Variants in ASB18 observed in about 807,000 individuals in gnomAD.
ASB18 encodes the protein ankyrin repeat and SOCS box protein 18.
In ASB18, 33 loss-of-function variants were observed where a neutral mutation model predicts 33.4. That is an observed-to-expected ratio of 0.99 (90% CI 0.75 to 1.32). The LOEUF is 1.32. Ranked by LOEUF, ASB18 falls within the 40% of genes most tolerant of loss-of-function variation. ASB18 has a pLI of 0.00. For missense variants in ASB18, 694 were observed against 655.5 expected (o/e 1.06, Z -0.64); for synonymous variants, 295 against 307.6 (o/e 0.96, Z 0.43).
rs1025183031 is a variant in ASB18 at position 236,193,461 on chromosome 2, ATGTTT to A, written c.*1406_*1410del. Among the ~76,000 whole-genome samples the A allele has an allele frequency of 1.2e-4, 19 of 152,182 alleles. No homozygotes were observed. The highest frequency in any genetic ancestry group is 4.1e-4 in the African/African-American group (17 of 41,446). ...TACATATACAGTAGGTCCTTAAATA[ATGTTT>A]TGTTTAATGTCATTTTATTATAACA... On this transcript the variant is annotated 3_prime_UTR_variant, in exon 6 of 6. Coordinates refer to ENST00000409749, the MANE Select transcript of ASB18 (RefSeq NM_212556.4). The surrounding 1 kb of genome is among the most constrained non-coding windows in gnomAD (Gnocchi z 5.0).
rs1232820704 is a variant in ASB18 at position 236,225,587 on chromosome 2, A to T, written c.597-10721T>A. 6.6e-6 allele frequency among the ~76,000 whole-genome samples: 1 copy of T among 152,212 alleles called. No individual in the cohort carries two copies. Among genetic ancestry groups the T allele is most frequent in the Non-Finnish European group, 1.5e-5 (1 of 68,042 alleles). On this transcript the variant is annotated intron_variant, in intron 3 of 5. Transcript: ENST00000409749. The surrounding 1 kb of genome is among the most constrained non-coding windows in gnomAD (Gnocchi z 5.1). ...AACACATTCTTTTCTTATTTTAATT[A>T]TCTCGAATAAAAAGGGTCAAGGAGA...
rs2060660779 is a variant in ASB18, at chr2:236,249,695, G to T, written c.206-8293C>A. On this transcript the variant is annotated intron_variant, in intron 1 of 5. Coordinates refer to ENST00000409749, the MANE Select transcript of ASB18 (RefSeq NM_212556.4). The surrounding 1 kb of genome is among the most constrained non-coding windows in gnomAD (Gnocchi z 4.6). ...CTTATTTGACAGAGGAAGCTTATTT[G>T]TGTGGGTGGACCGTGGCAGAATACT... The T allele has an allele frequency of 1.3e-5, 2 of 152,186 alleles. No homozygotes were observed. Among genetic ancestry groups the T allele is most frequent in the Admixed American group, 1.3e-4 (2 of 15,280 alleles). 9.4% of individuals were successfully genotyped at this position (152,186 alleles called of 1,614,324 possible).
chr2:236,202,705 G>A lies in ASB18; in HGVS notation c.1102-6320C>T, dbSNP rs539924047. On this transcript the variant is annotated intron_variant, in intron 4 of 5. Transcript: ENST00000409749. ...GAAGCAGGAGGATCACTTGAACCCA[G>A]GAGGCAGAGGTTGCAGTGAGTTGAG... is the stretch of plus-strand genomic sequence containing the variant. Among the ~76,000 whole-genome samples the A allele has an allele frequency of 4.7e-3, 699 of 149,420 alleles. 11 individuals carry two copies. The highest frequency in any genetic ancestry group is 0.017 in the African/African-American group (675 of 40,290).
chr2:236,258,734 G>A (rs1412002741), intron 1 of ASB18, among the ~76,000 whole-genome samples: 4 of 152,130 alleles, frequency 2.6e-5, no homozygotes, highest in Non-Finnish European at 5.9e-5. Flanking sequence ...GCACATGTCC[G>A]TGGTGTGTTT....
Position 236,217,516 on chromosome 2 carries a change from C to T in ASB18, c.597-2650G>A, listed in dbSNP as rs1395710762. On this transcript the variant is annotated intron_variant, in intron 3 of 5. Transcript: ENST00000409749. This position sits in a 1 kb window ranked among gnomAD's most constrained non-coding sequence, Gnocchi z 5.2. ...AGTGCCTATCATAGTGCCTATCACA[C>T]TATTGGTATTCCCTAAAAACATATT... is the stretch of plus-strand genomic sequence containing the variant. Among the ~76,000 whole-genome samples the T allele has an allele frequency of 6.6e-6, 1 of 152,168 alleles. No individual in the cohort carries two copies. Among genetic ancestry groups the T allele is most frequent in the African/African-American group, 2.4e-5 (1 of 41,446 alleles).
rs1236161689 is a variant in ASB18, at chr2:236,264,361, G to C, written c.-16C>G. ...AGTTGGACATTGTTACGTCGTTTCT[G>C]CAGTGACCAGCCCTTCTTTTCTTCC... is the stretch of plus-strand genomic sequence containing the variant. On this transcript the variant is annotated 5_prime_UTR_variant, in exon 1 of 6. Coordinates refer to ENST00000409749, the MANE Select transcript of ASB18 (RefSeq NM_212556.4). This position sits in a 1 kb window ranked among gnomAD's most constrained non-coding sequence, Gnocchi z 5.1. 1 of 1,610,168 alleles carries C rather than the reference G, an allele frequency of 6.2e-7. No individual in the cohort carries two copies. The highest frequency in any genetic ancestry group is 8.5e-7 in the Non-Finnish European group (1 of 1,176,430).
At position 236,203,317 on chromosome 2, in the gene ASB18, A is replaced by T. The variant is rs1387149845; in HGVS notation, c.1102-6932T>A. Among the ~76,000 whole-genome samples, 3 of 152,164 alleles carry T rather than the reference A, an allele frequency of 2.0e-5. No homozygotes were observed. In the East Asian group the frequency reaches 5.8e-4, roughly 29 times the overall value. On this transcript the variant is annotated intron_variant, in intron 4 of 5. Transcript: ENST00000409749. This position sits in a 1 kb window ranked among gnomAD's most constrained non-coding sequence, Gnocchi z 6.0. ...CTCTGGAGCAGGAGTTAGCAGGGGG[A>T]AAAAAAGGCATGGAGAGTTCTGGGG...
At position 236,200,543 on chromosome 2, in the gene ASB18, G is replaced by A. The variant is rs2060395899; in HGVS notation, c.1102-4158C>T. Among the ~76,000 whole-genome samples, 1 of 152,162 alleles carries A rather than the reference G, an allele frequency of 6.6e-6. No individual in the cohort carries two copies. The highest frequency in any genetic ancestry group is 1.5e-5 in the Non-Finnish European group (1 of 68,032). On this transcript the variant is annotated intron_variant, in intron 4 of 5. Coordinates refer to ENST00000409749, the MANE Select transcript of ASB18 (RefSeq NM_212556.4). The surrounding 1 kb of genome is among the most constrained non-coding windows in gnomAD (Gnocchi z 4.2). The stretch of plus-strand genomic sequence containing the variant: ...TGTCGTAGCAGAAGCAGCAGTCCTC[G>A]CTTGGGGATACACAGCTAGCCTGAG...
At position 236,204,201 on chromosome 2, in the gene ASB18, C is replaced by A. The variant is rs896733629; in HGVS notation, c.1102-7816G>T. On this transcript the variant is annotated intron_variant, in intron 4 of 5. Coordinates refer to ENST00000409749, the MANE Select transcript of ASB18 (RefSeq NM_212556.4). This position sits in a 1 kb window ranked among gnomAD's most constrained non-coding sequence, Gnocchi z 5.1. ...CAGCCACTCCCCCATACTGTCCTTA[C>A]CAATGGCACCAATGCTGCTCTTGGC... 6.6e-6 allele frequency among the ~76,000 whole-genome samples: 1 copy of A among 152,212 alleles called. No homozygotes were observed. The highest frequency in any genetic ancestry group is 1.5e-5 in the Non-Finnish European group (1 of 68,044).
rs1037663343 is a variant in ASB18, at chr2:236,204,463, C to T, written c.1102-8078G>A. Among the ~76,000 whole-genome samples the T allele has an allele frequency of 6.6e-5, 10 of 152,186 alleles. No individual in the cohort carries two copies. Among genetic ancestry groups the T allele is most frequent in the South Asian group, 2.1e-4 (1 of 4,828 alleles). On this transcript the variant is annotated intron_variant, in intron 4 of 5. Transcript: ENST00000409749. The surrounding 1 kb of genome is among the most constrained non-coding windows in gnomAD (Gnocchi z 5.1). Reference sequence around the variant, plus strand: ...TGCATTCAGGCCTGTTCCTCTTTTCCGTTTACTCTCACTTGCTGGTGATCT... The same window carrying T: ...TGCATTCAGGCCTGTTCCTCTTTTCTGTTTACTCTCACTTGCTGGTGATCT...
chr2:236,214,970 G>A lies in ASB18; in HGVS notation c.597-104C>T. The A allele has an allele frequency of 6.2e-6, 5 of 807,102 alleles. No individual in the cohort carries two copies. Among genetic ancestry groups the A allele is most frequent in the Non-Finnish European group, 7.8e-6 (5 of 641,968 alleles). The allele number at this position is 807,102 out of a possible 1,614,324, so 50.0% of individuals were successfully genotyped here. On this transcript the variant is annotated intron_variant, in intron 3 of 5. Coordinates refer to ENST00000409749, the MANE Select transcript of ASB18 (RefSeq NM_212556.4). This position sits in a 1 kb window ranked among gnomAD's most constrained non-coding sequence, Gnocchi z 6.5. ...ATATCAAGTGACCTCTGAATGAAAA[G>A]ACATGCTCCGCTCTCCCATACCAAG... is the stretch of plus-strand genomic sequence containing the variant.
chr2:236,243,096 C>T (rs1419320043), intron 1 of ASB18, among the ~76,000 whole-genome samples: 6 of 147,656 alleles, frequency 4.1e-5, no homozygotes, highest in Admixed American at 1.4e-4. Flanking sequence ...TTTGGGAGGC[C>T]GAGGCGGGTG....
intron 1 of ASB18, among the ~76,000 whole-genome samples, chr2:236,258,601 G>C (rs999071326): frequency 1.3e-5 from 2 of 152,172 alleles, no homozygotes; most frequent in African/African-American, 4.8e-5. Context: ...TTATTCTCCA[G>C]GCATAAGGAA....
intron 3 of ASB18, among the ~76,000 whole-genome samples, chr2:236,236,397 G>A (rs1348256568): frequency 2.6e-5 from 4 of 152,166 alleles, no homozygotes; most frequent in Non-Finnish European, 5.9e-5. Flanking sequence ...AGGGAGAACC[G>A]TGGGCACCGT....
At position 236,200,679 on chromosome 2, in the gene ASB18, C is replaced by G. The variant is rs1231790102; in HGVS notation, c.1102-4294G>C. ...CAGCTGGAAGGCAGAGGGCCGAGAG[C>G]TGTAGAATGAGGTCCATACGGATCC... On this transcript the variant is annotated intron_variant, in intron 4 of 5. Coordinates refer to ENST00000409749, the MANE Select transcript of ASB18 (RefSeq NM_212556.4). The surrounding 1 kb of genome is among the most constrained non-coding windows in gnomAD (Gnocchi z 4.2). Among the ~76,000 whole-genome samples the G allele has an allele frequency of 6.6e-6, 1 of 152,216 alleles. No individual in the cohort carries two copies. The highest frequency in any genetic ancestry group is 1.5e-5 in the Non-Finnish European group (1 of 68,046).
rs1237885549 is a variant in ASB18 at position 236,209,958 on chromosome 2, C to G, written c.1101+4404G>C. Among the ~76,000 whole-genome samples, 1 of 152,210 alleles carries G rather than the reference C, an allele frequency of 6.6e-6. No homozygotes were observed. Among genetic ancestry groups the G allele is most frequent in the Non-Finnish European group, 1.5e-5 (1 of 68,040 alleles). On this transcript the variant is annotated intron_variant, in intron 4 of 5. Coordinates refer to ENST00000409749, the MANE Select transcript of ASB18 (RefSeq NM_212556.4). The surrounding 1 kb of genome is among the most constrained non-coding windows in gnomAD (Gnocchi z 4.4). ...CCGCTTCACAAAGATAAGCCTTCAG[C>G]CTTCAGATCTCGGCTCACTCATCAC...
Position 236,214,987 on chromosome 2 carries a change from C to A in ASB18, c.597-121G>T. ...AATGAAAAGACATGCTCCGCTCTCCCATACCAAGGCGTCAGGAGTTCAAAC... is the reference window on the plus strand; with the variant it reads ...AATGAAAAGACATGCTCCGCTCTCCAATACCAAGGCGTCAGGAGTTCAAAC... On this transcript the variant is annotated intron_variant, in intron 3 of 5. Coordinates refer to ENST00000409749, the MANE Select transcript of ASB18 (RefSeq NM_212556.4). The surrounding 1 kb of genome is among the most constrained non-coding windows in gnomAD (Gnocchi z 6.5). The A allele has an allele frequency of 1.5e-6, 1 of 682,864 alleles. No homozygotes were observed. The highest frequency in any genetic ancestry group is 2.0e-6 in the Non-Finnish European group (1 of 508,900). The allele number at this position is 682,864 out of a possible 1,614,324, so 42.3% of individuals were successfully genotyped here. A position where few individuals can be genotyped will look rare whatever the true frequency, so the allele number is the denominator to read the frequency against.
At chr2:236,206,438 T>C (rs182551705) in intron 4 of ASB18, among the ~76,000 whole-genome samples, 104 of 152,214 alleles carry the variant, frequency 6.8e-4, no homozygotes, top group Non-Finnish European at 1.1e-3. Context: ...CTGGAAGCCA[T>C]CTTGTGACCA....
rs534217399 is a variant in ASB18, at chr2:236,262,768, A to G, written c.205+1373T>C. On this transcript the variant is annotated intron_variant, in intron 1 of 5. Coordinates refer to ENST00000409749, the MANE Select transcript of ASB18 (RefSeq NM_212556.4). This position sits in a 1 kb window ranked among gnomAD's most constrained non-coding sequence, Gnocchi z 5.2. ...GGGATCATGGCTCCTGGGCCTATGG[A>G]CCCCCGCCAGATATTAGGAAAACCA... is the stretch of plus-strand genomic sequence containing the variant. Among the ~76,000 whole-genome samples the G allele has an allele frequency of 6.6e-6, 1 of 152,040 alleles. No individual in the cohort carries two copies. The highest frequency in any genetic ancestry group is 2.4e-5 in the African/African-American group (1 of 41,466).
Sources: allele counts gnomAD v4.1 joint callset (sites outside exome capture counted in the v4.1 genomes callset), GRCh38; gene constraint gnomAD v4.1.1; non-coding constraint Gnocchi (gnomAD v3.1); transcripts MANE v1.5; gene names NCBI Gene and HGNC (gene_info 2026-07-23, HGNC 2026-07-21).